Variants in IP6K1 observed in about 807,000 individuals in gnomAD.
The protein encoded by IP6K1 is ATP:1D-myo-inositol-hexakisphosphate phosphotransferase.
A neutral mutation model predicts 38.3 loss-of-function variants in IP6K1; 13 were observed. That is an observed-to-expected ratio of 0.34 (90% CI 0.22 to 0.54). The LOEUF (loss-of-function observed/expected upper bound fraction) is 0.54, where lower values mean the gene tolerates loss of function less well. Ranked by LOEUF, IP6K1 falls within the 20% of genes least tolerant of loss-of-function variation. The probability of loss-of-function intolerance (pLI) is 0.92; values close to 1 mark genes in which losing one functional copy is unlikely to be tolerated. For synonymous variants in IP6K1, 212 were observed against 229.9 expected (o/e 0.92, Z 0.70); for missense variants, 397 against 599.8 (o/e 0.66, Z 3.53).
intron 1 of IP6K1, among the ~76,000 whole-genome samples, chr3:49,762,723 ACAG>A (rs761311059): frequency 6.6e-6 from 1 of 152,054 alleles, no homozygotes; most frequent in Non-Finnish European, 1.5e-5. Context: ...TTTTCAGAAA[ACAG>A]AAAGAGAGAG....
chr3:49,779,751 T>G (rs971704025), intron 1 of IP6K1, among the ~76,000 whole-genome samples: 3 of 152,136 alleles, frequency 2.0e-5, no homozygotes, highest in Non-Finnish European at 4.4e-5. Context: ...AGTGGTACAA[T>G]CAAGGCTCAC....
At chr3:49,776,115 C>T (rs1316373854) in intron 1 of IP6K1, among the ~76,000 whole-genome samples, 1 of 151,714 alleles carries the variant, frequency 6.6e-6, no homozygotes, top group Non-Finnish European at 1.5e-5. Flanking sequence ...TGTTATTTTC[C>T]TTCTGAGAAA....
chr3:49,757,316 G>A (rs2080832497), intron 1 of IP6K1, among the ~76,000 whole-genome samples: 1 of 152,140 alleles, frequency 6.6e-6, no homozygotes, highest in African/African-American at 2.4e-5. Context: ...AGCACAGTGG[G>A]GACAAGTTGA....
intron 1 of IP6K1, among the ~76,000 whole-genome samples, chr3:49,759,087 T>A (rs537732993): frequency 1.3e-5 from 2 of 149,476 alleles, no homozygotes; most frequent in African/African-American, 2.4e-5. Context: ...AAAAAAAAAA[T>A]ACCTTCTATC....
intron 4 of IP6K1, 32 bp from the exon 5 acceptor site, chr3:49,728,310 ACT>A (rs777340468): frequency 5.0e-6 from 8 of 1,599,818 alleles, no homozygotes; most frequent in Non-Finnish European, 6.8e-6. Flanking sequence ...TGACAACCAC[ACT>A]CACCATCAGC....
intron 1 of IP6K1, among the ~76,000 whole-genome samples, chr3:49,777,093 C>T (rs747883556): frequency 6.6e-6 from 1 of 151,956 alleles, no homozygotes; most frequent in Non-Finnish European, 1.5e-5. Flanking sequence ...AGAATCAGTC[C>T]ATTGTGGTGG....
intron 1 of IP6K1, among the ~76,000 whole-genome samples, chr3:49,768,236 A>T (rs2080928367): frequency 6.6e-6 from 1 of 152,220 alleles, no homozygotes; most frequent in African/African-American, 2.4e-5. Context: ...ACAGATATTT[A>T]TACACCAATG....
At chr3:49,744,839 T>C (rs1040604090) in intron 2 of IP6K1, among the ~76,000 whole-genome samples, 2 of 152,196 alleles carry the variant, frequency 1.3e-5, no homozygotes, top group African/African-American at 4.8e-5. Context: ...TAATTGCTGC[T>C]ATCAGCACAG....
Position 49,726,886 on chromosome 3 carries a change from T to C in IP6K1, c.*236A>G. On this transcript the variant is annotated 3_prime_UTR_variant, in exon 6 of 6. Transcript: ENST00000321599. ...GCACCTCTTCCTTCCTAAGGCAGCCTGGACACACCAGTCAGAGCCACAAAG... is the reference window on the plus strand; with the variant it reads ...GCACCTCTTCCTTCCTAAGGCAGCCCGGACACACCAGTCAGAGCCACAAAG... 1.9e-6 allele frequency: 1 copy of C among 519,274 alleles called. No individual in the cohort carries two copies. Among genetic ancestry groups the C allele is most frequent in the Non-Finnish European group, 3.4e-6 (1 of 298,322 alleles). The allele number at this position is 519,274 out of a possible 1,614,324, so 32.2% of individuals were successfully genotyped here.
intron 2 of IP6K1, among the ~76,000 whole-genome samples, chr3:49,745,624 G>A (rs1291386178): frequency 2.0e-5 from 3 of 152,158 alleles, no homozygotes; most frequent in African/African-American, 7.2e-5. Context: ...GGAGGCCAAG[G>A]CAGGCAAATC....
intron 1 of IP6K1, among the ~76,000 whole-genome samples, chr3:49,776,814 T>C (rs2081020405): frequency 6.6e-6 from 1 of 152,230 alleles, no homozygotes; most frequent in African/African-American, 2.4e-5. Context: ...ATTCCATTTA[T>C]GTGAAACTTC....
intron 1 of IP6K1, chr3:49,786,063 G>C (rs2081110154): frequency 6.6e-6 from 1 of 152,302 alleles, no homozygotes; most frequent in Non-Finnish European, 1.5e-5. Flanking sequence ...ACACACTTTA[G>C]CGCTCCGGAT....
At chr3:49,763,172 C>G (rs1443168165) in intron 1 of IP6K1, among the ~76,000 whole-genome samples, 1 of 146,908 alleles carries the variant, frequency 6.8e-6, no homozygotes, top group Non-Finnish European at 1.5e-5. Context: ...GGCGCAATCT[C>G]GGCTCACTGC....
At chr3:49,749,830 C>CTT (rs35363121) in intron 1 of IP6K1, among the ~76,000 whole-genome samples, 5 of 109,630 alleles carry the variant, frequency 4.6e-5, no homozygotes, top group African/African-American at 9.8e-5. Flanking sequence ...ACATACACTT[C>CTT]TTTTTTTTTT....
chr3:49,765,478 T>TAAAA (rs34207764), intron 1 of IP6K1, among the ~76,000 whole-genome samples: 1 of 108,466 alleles, frequency 9.2e-6, no homozygotes, highest in African/African-American at 3.7e-5. Context: ...TGTTTCTACT[T>TAAAA]AAAAAAAAAA....
At chr3:49,775,978 C>T (rs2081005195) in intron 1 of IP6K1, among the ~76,000 whole-genome samples, 1 of 151,204 alleles carries the variant, frequency 6.6e-6, no homozygotes, top group Non-Finnish European at 1.5e-5. Flanking sequence ...AAGCTACACC[C>T]AGTGAAAAAC....
In IP6K1 at chr3:49,727,002, T is replaced by C. The variant is rs1294674381; in HGVS notation, c.*120A>G. 6 of 1,050,808 alleles carry C rather than the reference T, an allele frequency of 5.7e-6. No homozygotes were observed. Among genetic ancestry groups the C allele is most frequent in the Non-Finnish European group, 8.3e-6 (6 of 719,730 alleles). 65.1% of individuals were successfully genotyped at this position (1,050,808 alleles called of 1,614,324 possible). A position where few individuals can be genotyped will look rare whatever the true frequency, so the allele number is the denominator to read the frequency against. On this transcript the variant is annotated 3_prime_UTR_variant, in exon 6 of 6. Transcript: ENST00000321599. The surrounding 1 kb of genome is among the most constrained non-coding windows in gnomAD (Gnocchi z 5.9). Reference sequence around the variant, plus strand: ...CTACAGCTAAAAACATTTCTTTTAGTTTACACCAAAGAGAAATATAACCCT... The same window carrying C: ...CTACAGCTAAAAACATTTCTTTTAGCTTACACCAAAGAGAAATATAACCCT...
chr3:49,742,389 A>G (rs1036645559), intron 2 of IP6K1, among the ~76,000 whole-genome samples: 3 of 152,076 alleles, frequency 2.0e-5, no homozygotes, highest in African/African-American at 7.2e-5. Context: ...CTCTACTAAA[A>G]ATACAAAAAA....
At chr3:49,745,430 G>A (rs896268728) in intron 2 of IP6K1, among the ~76,000 whole-genome samples, 1 of 152,136 alleles carries the variant, frequency 6.6e-6, no homozygotes, top group Admixed American at 6.6e-5. Context: ...TGCCAATTAA[G>A]AAACAACCCA....
Sources: gnomAD v4.1 joint callset for allele counts (sites outside exome capture counted in the v4.1 genomes callset) on GRCh38, gnomAD v4.1.1 for gene constraint, Gnocchi (gnomAD v3.1) non-coding constraint, MANE v1.5 for transcripts, NCBI Gene and HGNC (gene_info 2026-07-23, HGNC 2026-07-21) for gene names.